The following DAZAP1 variants were observed in gnomAD, a reference collection of about 807,000 sequenced individuals.
The protein encoded by DAZAP1 is DAZ-associated protein 1.
In DAZAP1, 6 loss-of-function variants were observed where a neutral mutation model predicts 60.1. The observed-to-expected ratio is 0.10, with a 90% CI of 0.05 to 0.20. The LOEUF is 0.20. Among genes scored for constraint, DAZAP1 ranks in the 10% least tolerant of loss-of-function variants. The pLI is 1.00. For synonymous variants in DAZAP1, 235 were observed against 215.9 expected (o/e 1.09, Z -0.78); for missense variants, 366 against 560.4 (o/e 0.65, Z 3.50).
Position 1,432,457 on chromosome 19 carries a change from T to A in DAZAP1, c.872-57T>A, listed in dbSNP as rs2083476547. 6.3e-7 allele frequency: 1 copy of A among 1,587,544 alleles called. No individual in the cohort carries two copies. The highest frequency in any genetic ancestry group is 1.7e-5 in the Admixed American group (1 of 59,862). ...GCTGGGCTGGGTGTGGGTCTCCTGC[T>A]GGTCTGCCCCCAGCTGCACAACGTG... On this transcript the variant is annotated intron_variant, in intron 10 of 11. Transcript: ENST00000233078. The surrounding 1 kb of genome is among the most constrained non-coding windows in gnomAD (Gnocchi z 4.9).
At chr19:1,420,641 A>G (rs2083130094) in intron 4 of DAZAP1, among the ~76,000 whole-genome samples, 1 of 152,122 alleles carries the variant, frequency 6.6e-6, no homozygotes, top group South Asian at 2.1e-4. Context: ...CGCCCTTGCC[A>G]GTGGGAGGCC....
rs2144823251 is a variant in DAZAP1 at position 1,422,756 on chromosome 19, C to CGTGAGCTGG, written c.463+362_463+363insGAGCTGGGT. Among the ~76,000 whole-genome samples the CGTGAGCTGG allele has an allele frequency of 6.6e-6, 1 of 152,286 alleles. No individual in the cohort carries two copies. Among genetic ancestry groups the CGTGAGCTGG allele is most frequent in the African/African-American group, 2.4e-5 (1 of 41,570 alleles). On this transcript the variant is annotated intron_variant, in intron 6 of 11. Coordinates refer to ENST00000233078, the MANE Select transcript of DAZAP1 (RefSeq NM_018959.4). The surrounding 1 kb of genome is among the most constrained non-coding windows in gnomAD (Gnocchi z 4.5). Reference sequence around the variant, plus strand: ...CAGTGTGGCCGGTCTCATTTCGTGTCGTCAGCTGGGTCAGCTGGCTCGGTG... The same window carrying CGTGAGCTGG: ...CAGTGTGGCCGGTCTCATTTCGTGTCGTGAGCTGGGTCAGCTGGGTCAGCTGGCTCGGTG...
At chr19:1,424,100 C>G (rs915396822) in intron 6 of DAZAP1, among the ~76,000 whole-genome samples, 1 of 151,732 alleles carries the variant, frequency 6.6e-6, no homozygotes, top group African/African-American at 2.4e-5. Context: ...CTCCCTCTTC[C>G]TCTCCACTGA....
In DAZAP1 at chr19:1,434,897, C is replaced by T. The variant is rs1364744362; in HGVS notation, c.1209C>T (p.His403=). 13 of 1,511,344 alleles carry T rather than the reference C, an allele frequency of 8.6e-6. No homozygotes were observed. Among genetic ancestry groups the T allele is most frequent in the Non-Finnish European group, 1.1e-5 (13 of 1,130,580 alleles). The allele number at this position is 1,511,344 out of a possible 1,614,324, so 93.6% of individuals were successfully genotyped here. ...AGAACCACAACGTGCAAGGGTTCCA[C>T]CCCTACCGACGCTAGCCCGCGGCGC... ...RGQNHNVQGF[H]PYRR Residue 403 remains histidine (H), a synonymous_variant, in exon 12 of 12, where the codon CAC becomes CAT. Coordinates refer to ENST00000233078, the MANE Select transcript of DAZAP1 (RefSeq NM_018959.4). The surrounding 1 kb of genome is among the most constrained non-coding windows in gnomAD (Gnocchi z 8.0).
At chr19:1,430,472 G>A (rs1319479048) in intron 10 of DAZAP1, 110 bp downstream of exon 10, 2 of 1,070,062 alleles carry the variant, frequency 1.9e-6, no homozygotes, top group Non-Finnish European at 2.6e-6. Flanking sequence ...AGCCACAGGT[G>A]GGGTGCCGGC....
Position 1,428,723 on chromosome 19 carries a change from T to C in DAZAP1, c.547-119T>C. ...GGCCTAAATAAGGTTTATAGTTAAG[T>C]ATTTAGTCTTAAGTTGTAAGATGCT... is the stretch of plus-strand genomic sequence containing the variant. On this transcript the variant is annotated intron_variant, in intron 7 of 11. Coordinates refer to ENST00000233078, the MANE Select transcript of DAZAP1 (RefSeq NM_018959.4). This position sits in a 1 kb window ranked among gnomAD's most constrained non-coding sequence, Gnocchi z 4.0. 8.4e-7 allele frequency: 1 copy of C among 1,184,646 alleles called. No homozygotes were observed. The highest frequency in any genetic ancestry group is 1.2e-6 in the Non-Finnish European group (1 of 836,698). 73.4% of individuals were successfully genotyped at this position (1,184,646 alleles called of 1,614,324 possible).
Position 1,432,416 on chromosome 19 carries a change from C to A in DAZAP1, c.872-98C>A. ...GTTCTGTGGGTTTGGGTGGCAGTCC[C>A]GTCTGGGCAGCTCCTGCTGGGCTGG... On this transcript the variant is annotated intron_variant, in intron 10 of 11. Transcript: ENST00000233078. The surrounding 1 kb of genome is among the most constrained non-coding windows in gnomAD (Gnocchi z 4.9). 2 of 1,330,438 alleles carry A rather than the reference C, an allele frequency of 1.5e-6. No homozygotes were observed. The highest frequency in any genetic ancestry group is 2.1e-6 in the Non-Finnish European group (2 of 934,508). The allele number at this position is 1,330,438 out of a possible 1,614,324, so 82.4% of individuals were successfully genotyped here. A position where few individuals can be genotyped will look rare whatever the true frequency, so the allele number is the denominator to read the frequency against.
rs980793222 is a variant in DAZAP1 at position 1,433,668 on chromosome 19, G to T, written c.1048+978G>T. On this transcript the variant is annotated intron_variant, in intron 11 of 11. Transcript: ENST00000233078. The surrounding 1 kb of genome is among the most constrained non-coding windows in gnomAD (Gnocchi z 6.1). ...GGGGTGTGAGGCGCCCGGTTGGGGCGTGGCGTGTGTCAGCCGCTGCTCTTG... is the reference window on the plus strand; with the variant it reads ...GGGGTGTGAGGCGCCCGGTTGGGGCTTGGCGTGTGTCAGCCGCTGCTCTTG... 2 of 1,297,282 alleles carry T rather than the reference G, an allele frequency of 1.5e-6. No homozygotes were observed. The highest frequency in any genetic ancestry group is 2.2e-6 in the Non-Finnish European group (2 of 898,610). The allele number at this position is 1,297,282 out of a possible 1,614,324, so 80.4% of individuals were successfully genotyped here. A position where few individuals can be genotyped will look rare whatever the true frequency, so the allele number is the denominator to read the frequency against.
At chr19:1,407,851 C>T in intron 1 of DAZAP1, 49 bp downstream of exon 1, 1 of 1,053,926 alleles carries the variant, frequency 9.5e-7, no homozygotes, top group African/African-American at 1.7e-5. Context: ...GCCCGGCCCG[C>T]CGCTCCCCGC....
Position 1,423,377 on chromosome 19 carries a change from T to C in DAZAP1, c.463+981T>C, listed in dbSNP as rs1275463167. The stretch of plus-strand genomic sequence containing the variant: ...GTGATGTTAAGTAAGCTGTTTTTCC[T>C]TTTCTCTCTGTGAATTGTGTGTGAT... On this transcript the variant is annotated intron_variant, in intron 6 of 11. Transcript: ENST00000233078. The surrounding 1 kb of genome is among the most constrained non-coding windows in gnomAD (Gnocchi z 6.8). Among the ~76,000 whole-genome samples, 1 of 152,282 alleles carries C rather than the reference T, an allele frequency of 6.6e-6. No homozygotes were observed. Among genetic ancestry groups the C allele is most frequent in the Admixed American group, 6.5e-5 (1 of 15,288 alleles).
intron 6 of DAZAP1, among the ~76,000 whole-genome samples, chr19:1,424,095 T>A (rs932131107): frequency 1.3e-5 from 2 of 149,404 alleles, no homozygotes; most frequent in Non-Finnish European, 3.0e-5. Flanking sequence ...ACCTCCTCCC[T>A]CTTCCTCTCC....
Position 1,429,977 on chromosome 19 carries a change from G to T in DAZAP1, c.711G>T (p.Val237=), listed in dbSNP as rs777466013. ...TGTTCTCTTATCTAGGAATGTGGGT[G>T]CCGGCAGGACAGGCGATTGGTAAGT... ...QQGYGPQGMW[V]PAGQAIGGYG... The change falls in exon 9 of 12, where the codon GTG becomes GTT. Residue 237 remains valine, a synonymous_variant. Coordinates refer to ENST00000233078, the MANE Select transcript of DAZAP1 (RefSeq NM_018959.4). The T allele has an allele frequency of 8.9e-6, 14 of 1,570,830 alleles. No individual in the cohort carries two copies. The East Asian group carries it at 3.0e-4, about 34-fold the overall frequency.
chr19:1,426,196 G>T lies in DAZAP1; in HGVS notation c.546+236G>T, dbSNP rs531321403. 2.6e-5 allele frequency among the ~76,000 whole-genome samples: 4 copies of T among 152,184 alleles called. No homozygotes were observed. The highest frequency in any genetic ancestry group is 4.4e-5 in the Non-Finnish European group (3 of 68,028). ...TTGCTCCTGGAGCCCCTCCCTCTGGGTGACCTGGGACTGGGCGGGTAGGGG... is the reference window on the plus strand; with the variant it reads ...TTGCTCCTGGAGCCCCTCCCTCTGGTTGACCTGGGACTGGGCGGGTAGGGG... On this transcript the variant is annotated intron_variant, in intron 7 of 11. Transcript: ENST00000233078. The surrounding 1 kb of genome is among the most constrained non-coding windows in gnomAD (Gnocchi z 5.4).
chr19:1,413,562 G>A (rs770298992), intron 1 of DAZAP1, among the ~76,000 whole-genome samples: 6 of 152,374 alleles, frequency 3.9e-5, no homozygotes, highest in Middle Eastern at 3.4e-3. Context: ...GGTGTTCGCC[G>A]GTGGCTCCTG....
At chr19:1,408,189 C>T (rs2082720025) in intron 1 of DAZAP1, among the ~76,000 whole-genome samples, 1 of 151,766 alleles carries the variant, frequency 6.6e-6, no homozygotes, top group African/African-American at 2.4e-5. Flanking sequence ...CGAATGGGAG[C>T]CAGAGGGGTT....
At chr19:1,431,769 G>A (rs1460690295) in intron 10 of DAZAP1, among the ~76,000 whole-genome samples, 6 of 152,204 alleles carry the variant, frequency 3.9e-5, no homozygotes. Context: ...TGGGAGCCTT[G>A]CGTCCCTTAC....
chr19:1,430,424 C>T lies in DAZAP1; in HGVS notation c.871+62C>T, dbSNP rs926211374. 23 of 1,415,380 alleles carry T rather than the reference C, an allele frequency of 1.6e-5. No homozygotes were observed. In the African/African-American group the frequency reaches 2.2e-4, roughly 14 times the overall value. The allele number at this position is 1,415,380 out of a possible 1,614,324, so 87.7% of individuals were successfully genotyped here. The stretch of plus-strand genomic sequence containing the variant: ...TGCTCCGGAGATGCCAGGTGGTGGG[C>T]GGGGTGATGGGGAGTCTTGTGTTAC... On this transcript the variant is annotated intron_variant, in intron 10 of 11. Coordinates refer to ENST00000233078, the MANE Select transcript of DAZAP1 (RefSeq NM_018959.4).
chr19:1,423,122 A>G lies in DAZAP1; in HGVS notation c.463+726A>G, dbSNP rs2083207857. 6.6e-6 allele frequency among the ~76,000 whole-genome samples: 1 copy of G among 151,482 alleles called. No individual in the cohort carries two copies. ...GACCTGCAGCCTGGGTCTGCCCGCC[A>G]CGTCCGTGCCGCCCCCGCACCACCG... On this transcript the variant is annotated intron_variant, in intron 6 of 11. Coordinates refer to ENST00000233078, the MANE Select transcript of DAZAP1 (RefSeq NM_018959.4). The surrounding 1 kb of genome is among the most constrained non-coding windows in gnomAD (Gnocchi z 6.8).
chr19:1,430,254 G>GGGGCCC lies in DAZAP1; in HGVS notation c.763_764insGGGCCC (p.Ala255delinsGlyAlaPro). On this transcript the variant is annotated protein_altering_variant, in exon 10 of 12. Transcript: ENST00000233078. ...TGGACCGCCCCCTGCAGGAAGAGGA[G>GGGGCCC]CCCCCCCGCCACCCCCACCGTTCAC... 3.1e-6 allele frequency: 4 copies of GGGGCCC among 1,295,254 alleles called. No homozygotes were observed. The highest frequency in any genetic ancestry group is 4.3e-6 in the Non-Finnish European group (4 of 924,062). 80.2% of individuals were successfully genotyped at this position (1,295,254 alleles called of 1,614,324 possible). A position where few individuals can be genotyped will look rare whatever the true frequency, so the allele number is the denominator to read the frequency against.
Sources: allele counts gnomAD v4.1 joint callset (sites outside exome capture counted in the v4.1 genomes callset), GRCh38; gene constraint gnomAD v4.1.1; non-coding constraint Gnocchi (gnomAD v3.1); transcripts MANE v1.5; gene names NCBI Gene and HGNC (gene_info 2026-07-23, HGNC 2026-07-21).